The following SRCIN1 variants were observed in gnomAD, a reference collection of about 807,000 sequenced individuals.
SRCIN1 encodes SRC kinase signaling inhibitor 1, also known as P130Cas-associated protein.
A neutral mutation model predicts 116.2 loss-of-function variants in SRCIN1; 50 were observed. The observed-to-expected ratio is 0.43, with a 90% CI of 0.34 to 0.54. The LOEUF is 0.54. Ranked by LOEUF, SRCIN1 falls within the 20% of genes least tolerant of loss-of-function variation. The pLI is 0.02. For synonymous variants in SRCIN1, 736 were observed against 750.0 expected (o/e 0.98, Z 0.30); for missense variants, 1,446 against 1,672.0 (o/e 0.86, Z 2.36).
intron 18 of SRCIN1, among the ~76,000 whole-genome samples, chr17:38,543,402 AAC>A (rs1377381104): frequency 1.3e-5 from 2 of 152,158 alleles, no homozygotes; most frequent in Admixed American, 6.5e-5. Flanking sequence ...CGGAGAGAGA[AAC>A]AGAGTGGCAG....
chr17:38,575,362 A>G (rs1044655513), intron 2 of SRCIN1, among the ~76,000 whole-genome samples: 2 of 151,974 alleles, frequency 1.3e-5, no homozygotes, highest in African/African-American at 4.8e-5. Context: ...TGATCCACCC[A>G]CCTCAGCCTC....
At chr17:38,593,872 C>T (rs756286982) in intron 1 of SRCIN1, among the ~76,000 whole-genome samples, 1 of 152,232 alleles carries the variant, frequency 6.6e-6, no homozygotes, top group Non-Finnish European at 1.5e-5. Flanking sequence ...CCCCCTACAC[C>T]CTCACTAGGC....
intron 2 of SRCIN1, among the ~76,000 whole-genome samples, chr17:38,576,181 G>A (rs2143300641): frequency 6.6e-6 from 1 of 151,982 alleles, no homozygotes; most frequent in Admixed American, 6.6e-5. Context: ...CCTTTTCCTG[G>A]CCCAATCTCC....
intron 14 of SRCIN1, chr17:38,551,631 A>G: frequency 3.1e-6 from 2 of 655,664 alleles, no homozygotes; most frequent in Non-Finnish European, 2.6e-6. Context: ...TGGGCATTCT[A>G]TTGTTTCACT....
intron 18 of SRCIN1, among the ~76,000 whole-genome samples, 155 bp from the exon 19 acceptor site, chr17:38,533,586 C>T (rs1239023303): frequency 1.4e-5 from 1 of 72,444 alleles, no homozygotes; most frequent in African/African-American, 5.5e-5. Flanking sequence ...AGAGGGGTCC[C>T]TTGAATGGTG....
In SRCIN1 at chr17:38,551,945, G is replaced by A. The variant is rs531155306; in HGVS notation, c.2668C>T (p.Pro890Ser). Residue 890 changes from proline to serine, a missense_variant, in exon 14 of 19, where the codon CCC becomes TCC. Transcript: ENST00000617146. ...GASLTPKGGN[P>S]TKGLDTPGKR... is the part of the protein sequence containing the mutation. ...CCAGGAGTGTCCAGGCCTTTGGTGG[G>A]GTTGCCCCCCTTGGGGGTAAGAGAG... is the stretch of plus-strand genomic sequence containing the variant. 2.7e-5 allele frequency: 44 copies of A among 1,613,914 alleles called. No individual in the cohort carries two copies. In the South Asian group the frequency reaches 4.3e-4, roughly 16 times the overall value.
At chr17:38,591,720 G>T (rs945575887) in intron 1 of SRCIN1, among the ~76,000 whole-genome samples, 5 of 152,340 alleles carry the variant, frequency 3.3e-5, no homozygotes, top group Non-Finnish European at 5.9e-5. Flanking sequence ...CTGCCTGGAA[G>T]GGGTGAAGTT....
At chr17:38,538,303 G>A (rs1490923301) in intron 18 of SRCIN1, among the ~76,000 whole-genome samples, 1 of 149,496 alleles carries the variant, frequency 6.7e-6, no homozygotes, top group Non-Finnish European at 1.5e-5. Flanking sequence ...TGTAATCCCA[G>A]CTACTAGGGA....
rs755738776 is a variant in SRCIN1 at position 38,561,849 on chromosome 17, G to A, written c.1314C>T (p.Tyr438=). The change falls in exon 7 of 19, where the codon TAC becomes TAT. Residue 438 remains tyrosine (Y), a synonymous_variant. Transcript: ENST00000617146. ...GATCGGACTGCAGCGCGGCGGCCGAGTAGGTGCTGAGCGAGCGCACCGAGC... is the reference window on the plus strand; with the variant it reads ...GATCGGACTGCAGCGCGGCGGCCGAATAGGTGCTGAGCGAGCGCACCGAGC... ...KRGSVRSLST[Y]SAAALQSDLE... The A allele has an allele frequency of 1.2e-4, 184 of 1,476,796 alleles. 1 individual carries two copies. Among genetic ancestry groups the A allele is most frequent in the Non-Finnish European group, 1.5e-4 (171 of 1,124,172 alleles). 91.5% of individuals were successfully genotyped at this position (1,476,796 alleles called of 1,614,324 possible). A position where few individuals can be genotyped will look rare whatever the true frequency, so the allele number is the denominator to read the frequency against.
intron 18 of SRCIN1, among the ~76,000 whole-genome samples, chr17:38,539,754 C>T (rs1196645697): frequency 6.6e-6 from 1 of 152,000 alleles, no homozygotes. Flanking sequence ...CATCTGGGGC[C>T]GGACGCAATG....
At chr17:38,554,458 C>G (rs1905656831) in intron 11 of SRCIN1, among the ~76,000 whole-genome samples, 1 of 152,090 alleles carries the variant, frequency 6.6e-6, no homozygotes, top group African/African-American at 2.4e-5. Flanking sequence ...TCCATTCACC[C>G]ATACACATAC....
intron 1 of SRCIN1, among the ~76,000 whole-genome samples, chr17:38,597,076 G>C (rs747386842): frequency 6.6e-6 from 1 of 152,160 alleles, no homozygotes; most frequent in Non-Finnish European, 1.5e-5. Context: ...CCCACAACAC[G>C]TCTGGCTACA....
chr17:38,561,972 A>G lies in SRCIN1; in HGVS notation c.1191T>C (p.Ala397=). 2.0e-6 allele frequency: 3 copies of G among 1,482,344 alleles called. No individual in the cohort carries two copies. Among genetic ancestry groups the G allele is most frequent in the Non-Finnish European group, 2.7e-6 (3 of 1,125,128 alleles). The allele number at this position is 1,482,344 out of a possible 1,614,324, so 91.8% of individuals were successfully genotyped here. A position where few individuals can be genotyped will look rare whatever the true frequency, so the allele number is the denominator to read the frequency against. Residue 397 remains alanine (A), a synonymous_variant, in exon 7 of 19, where the codon GCT becomes GCC. Transcript: ENST00000617146. ...MVLVKGEGLY[A]DPYGLLHEGR... ...CCTCGTGCAGCAGCCCGTAGGGGTCAGCATAGAGGCCCTCGCCTTTCACCA... is the reference window on the plus strand; with the variant it reads ...CCTCGTGCAGCAGCCCGTAGGGGTCGGCATAGAGGCCCTCGCCTTTCACCA...
At position 38,549,168 on chromosome 17, in the gene SRCIN1, T is replaced by G; in HGVS notation, c.3005A>C (p.Lys1002Thr). Reference sequence around the variant, plus strand: ...GCGGGGAGGGGGCGGTGGGGGCGACTTGGAGGGCTTCTCTGTGCGGTATCG... The same window carrying G: ...GCGGGGAGGGGGCGGTGGGGGCGACGTGGAGGGCTTCTCTGTGCGGTATCG... ...VPRYRTEKPSKSPPPPPPRRS... is the reference protein window; with the variant it reads ...VPRYRTEKPSTSPPPPPPRRS... The change falls in exon 16 of 19, where the codon AAG becomes ACG. Residue 1002 changes from lysine (K) to threonine (T), a missense_variant. Physicochemically the swap from Lys to Thr is moderately conservative, Grantham distance 78 (BLOSUM62 -1). Around this residue, in one of 5 missense-constraint regions of SRCIN1, gnomAD observed 531 missense variants for 633.9 expected, o/e 0.84. Transcript: ENST00000617146. 2 of 1,582,166 alleles carry G rather than the reference T, an allele frequency of 1.3e-6. No homozygotes were observed. Among genetic ancestry groups the G allele is most frequent in the Non-Finnish European group, 1.7e-6 (2 of 1,166,694 alleles).
At chr17:38,593,468 G>T (rs560220214) in intron 1 of SRCIN1, among the ~76,000 whole-genome samples, 2 of 152,282 alleles carry the variant, frequency 1.3e-5, no homozygotes, top group African/African-American at 4.8e-5. Context: ...GAGGGGAAGG[G>T]AGGGTGTAGG....
chr17:38,566,245 G>T (rs1906674215), intron 3 of SRCIN1, among the ~76,000 whole-genome samples: 1 of 152,142 alleles, frequency 6.6e-6, no homozygotes, highest in Non-Finnish European at 1.5e-5. Flanking sequence ...CCTGGGGGTT[G>T]CTGCCTGCCA....
In SRCIN1 at chr17:38,564,897, G is replaced by GA. The variant is rs1208602337; in HGVS notation, c.346-585dup. Among the ~76,000 whole-genome samples the GA allele has an allele frequency of 2.6e-5, 4 of 152,224 alleles. No homozygotes were observed. The East Asian group carries it at 7.7e-4, about 29-fold the overall frequency. On this transcript the variant is annotated intron_variant, in intron 3 of 18. Coordinates refer to ENST00000617146, the MANE Select transcript of SRCIN1 (RefSeq NM_025248.3). ...TTAGGGTGATTGAGAAAACTATCCC[G>GA]AACTCCTCAAAGCCAGCTGGACCCG...
chr17:38,566,926 T>C (rs1159553834), intron 3 of SRCIN1, among the ~76,000 whole-genome samples: 8 of 92,220 alleles, frequency 8.7e-5, no homozygotes, highest in African/African-American at 1.3e-4. Context: ...TCCTTCTTTC[T>C]TTCCTTCTTT....
intron 1 of SRCIN1, among the ~76,000 whole-genome samples, chr17:38,592,171 G>A (rs1472960162): frequency 1.3e-5 from 2 of 152,214 alleles, no homozygotes; most frequent in African/African-American, 4.8e-5. Flanking sequence ...CTTGCGCAGT[G>A]GCTAATTCTG....
Sources: allele counts gnomAD v4.1 joint callset (sites outside exome capture counted in the v4.1 genomes callset), GRCh38; gene constraint gnomAD v4.1.1; regional missense constraint gnomAD v4.1.1; transcripts MANE v1.5; gene names NCBI Gene and HGNC (gene_info 2026-07-23, HGNC 2026-07-21).